The following NREP variants were observed in gnomAD, a reference collection of about 807,000 sequenced individuals.
NREP encodes the protein neuronal regeneration related protein.
A neutral mutation model predicts 8.6 loss-of-function variants in NREP; 5 were observed. The observed-to-expected ratio is 0.58, with a 90% confidence interval of 0.30 to 1.22. The LOEUF (loss-of-function observed/expected upper bound fraction) is 1.22. Among genes scored for constraint, NREP ranks in the 50% most tolerant of loss-of-function variants. The probability of loss-of-function intolerance (pLI) is 0.07; values close to 1 mark genes in which losing one functional copy is unlikely to be tolerated. For missense variants in NREP, 86 were observed against 82.5 expected, an observed-to-expected ratio of 1.04 and a Z score of -0.17; for synonymous variants, 27 against 28.0, an observed-to-expected ratio of 0.96 and a Z score of 0.11.
intron 2 of NREP, among the ~76,000 whole-genome samples, chr5:111,828,019 A>G (rs1752669073): frequency 6.6e-6 from 1 of 151,938 alleles, no homozygotes; most frequent in Non-Finnish European, 1.5e-5. Flanking sequence ...TACAAAATAT[A>G]TATTTCCTTT....
At chr5:111,759,405 C>G (rs761813578), upstream of NREP, among the ~76,000 whole-genome samples, 1 of 142,568 alleles carries the variant, frequency 7.0e-6, no homozygotes, top group Non-Finnish European at 1.5e-5. Context: ...GTTAATTTTT[C>G]TTTCTTTCTT....
chr5:111,962,381 C>T (rs576139093), intron 2 of NREP, among the ~76,000 whole-genome samples: 10 of 152,156 alleles, frequency 6.6e-5, no homozygotes, highest in Admixed American at 6.5e-5. Context: ...ATCCCAAACC[C>T]CCATTCATCT....
upstream of NREP, chr5:111,758,228 C>G (rs1450310896): frequency 5.1e-6 from 5 of 985,468 alleles, no homozygotes; most frequent in East Asian, 1.1e-4. Flanking sequence ...TGCACACACA[C>G]ACGTGCACAC....
intron 2 of NREP, among the ~76,000 whole-genome samples, chr5:111,748,416 T>A (rs1750143197): frequency 6.6e-6 from 1 of 152,172 alleles, no homozygotes; most frequent in African/African-American, 2.4e-5. Context: ...GATACCAAAG[T>A]GGGCAACCTG....
intron 2 of NREP, among the ~76,000 whole-genome samples, chr5:111,867,772 G>T (rs940970157): frequency 6.6e-6 from 1 of 151,978 alleles, no homozygotes; most frequent in African/African-American, 2.4e-5. Context: ...CCCTTTAATA[G>T]TAAGTACACA....
intron 2 of NREP, among the ~76,000 whole-genome samples, chr5:111,818,978 G>A (rs1752455061): frequency 6.6e-6 from 1 of 152,060 alleles, no homozygotes; most frequent in Non-Finnish European, 1.5e-5. Flanking sequence ...ATTATTTATG[G>A]TAGTTATACT....
intron 2 of NREP, among the ~76,000 whole-genome samples, chr5:111,849,764 A>G (rs1753264750): frequency 6.6e-6 from 1 of 152,048 alleles, no homozygotes; most frequent in Admixed American, 6.6e-5. Flanking sequence ...CATTTTCTAG[A>G]CTCCCTTGTA....
At chr5:111,814,004 T>A (rs1317738265) in intron 2 of NREP, among the ~76,000 whole-genome samples, 1 of 152,020 alleles carries the variant, frequency 6.6e-6, no homozygotes, top group Non-Finnish European at 1.5e-5. Context: ...TGAAAATTAT[T>A]TTCTTCTTTC....
intron 2 of NREP, among the ~76,000 whole-genome samples, chr5:111,869,660 G>C (rs1349586818): frequency 6.6e-6 from 1 of 152,194 alleles, no homozygotes; most frequent in Non-Finnish European, 1.5e-5. Flanking sequence ...ACGGAATCAT[G>C]AGGATTCTCC....
At chr5:111,956,899 G>A (rs949827737) in intron 2 of NREP, among the ~76,000 whole-genome samples, 14 of 152,064 alleles carry the variant, frequency 9.2e-5, no homozygotes, top group Non-Finnish European at 1.0e-4. Context: ...GGGAGATGGA[G>A]GTTGCAGTGA....
At chr5:111,796,165 G>A (rs868502112) in intron 2 of NREP, among the ~76,000 whole-genome samples, 1 of 152,166 alleles carries the variant, frequency 6.6e-6, no homozygotes. Context: ...CTTGGCTGGT[G>A]ACTCCTTCCT....
At chr5:111,888,339 T>TGC (rs1231725851) in intron 2 of NREP, among the ~76,000 whole-genome samples, 202 of 144,792 alleles carry the variant, frequency 1.4e-3, no homozygotes, top group African/African-American at 2.9e-3. Context: ...CATTGCTGGG[T>TGC]GGCGGGGGGG....
At chr5:111,755,910 A>G in intron 1 of NREP, 80 bp from the exon 2 acceptor site, 1 of 1,575,052 alleles carries the variant, frequency 6.3e-7, no homozygotes, top group Middle Eastern at 1.7e-4. Flanking sequence ...TAGAGGTTAC[A>G]GACGAATAAC....
At chr5:111,763,668 G>T (rs1405652579) in intron 2 of NREP, among the ~76,000 whole-genome samples, 1 of 152,170 alleles carries the variant, frequency 6.6e-6, no homozygotes, top group Non-Finnish European at 1.5e-5. Flanking sequence ...TCTGCATCAT[G>T]GTACAAAACT....
chr5:111,861,250 C>A (rs1427439017), intron 2 of NREP, among the ~76,000 whole-genome samples: 2 of 152,144 alleles, frequency 1.3e-5, no homozygotes, highest in Non-Finnish European at 2.9e-5. Context: ...TATGCAGCGT[C>A]CCCTCCCTAA....
chr5:111,968,350 C>G (rs934833266), intron 2 of NREP, among the ~76,000 whole-genome samples: 1 of 152,134 alleles, frequency 6.6e-6, no homozygotes, highest in Non-Finnish European at 1.5e-5. Context: ...AATTACTCCC[C>G]TATTTCAGAT....
chr5:111,887,821 C>T (rs909254603), intron 2 of NREP, among the ~76,000 whole-genome samples: 1 of 152,194 alleles, frequency 6.6e-6, no homozygotes, highest in Non-Finnish European at 1.5e-5. Flanking sequence ...TAAATTTCTA[C>T]TTCAGCTTTA....
chr5:111,755,856 G>C lies in NREP; in HGVS notation c.-58-26C>G. ...CTGCAAAATATGTTTAAATACAGTAGACACATCGCCTCACCACAGGTCAGC... is the reference window on the plus strand; with the variant it reads ...CTGCAAAATATGTTTAAATACAGTACACACATCGCCTCACCACAGGTCAGC... On this transcript the variant is annotated intron_variant, in intron 1 of 3. Coordinates refer to ENST00000257435, the MANE Select transcript of NREP (RefSeq NM_004772.4). 2.5e-6 allele frequency: 4 copies of C among 1,612,406 alleles called. No individual in the cohort carries two copies. The South Asian group carries it at 4.4e-5, about 18-fold the overall frequency.
At chr5:111,832,120 T>C (rs1163495699) in intron 2 of NREP, among the ~76,000 whole-genome samples, 1 of 152,168 alleles carries the variant, frequency 6.6e-6, no homozygotes, top group African/African-American at 2.4e-5. Context: ...ATAAAAACTT[T>C]GTGGCAGTGG....
Sources: gnomAD v4.1 joint callset for allele counts (sites outside exome capture counted in the v4.1 genomes callset) on GRCh38, gnomAD v4.1.1 for gene constraint, MANE v1.5 for transcripts, NCBI Gene and HGNC (gene_info 2026-07-23, HGNC 2026-07-21) for gene names.